The following DNAH9 variants were observed in gnomAD, a reference collection of about 807,000 sequenced individuals.
DNAH9 encodes the protein dynein axonemal heavy chain 9.
A neutral mutation model predicts 471.6 loss-of-function variants in DNAH9; 345 were observed. That is an observed-to-expected ratio of 0.73 (90% CI 0.67 to 0.80). The LOEUF (loss-of-function observed/expected upper bound fraction) is 0.80, where lower values mean the gene tolerates loss of function less well. DNAH9 is among the 30% of genes least tolerant of loss of function. DNAH9 has a pLI of 0.00. For synonymous variants in DNAH9, 2,093 were observed against 2,123.6 expected (o/e 0.99, Z 0.40); for missense variants, 5,407 against 5,609.2 (o/e 0.96, Z 1.15).
intron 15 of DNAH9, among the ~76,000 whole-genome samples, chr17:11,668,664 C>CAAA (rs56347198): frequency 9.9e-6 from 1 of 100,534 alleles, no homozygotes; most frequent in African/African-American, 3.7e-5. Flanking sequence ...GACTGCATCT[C>CAAA]AAAAAAAAAA....
At chr17:11,611,830 C>T (rs368137003) in intron 4 of DNAH9, 50 bp downstream of exon 4, 118 of 1,584,614 alleles carry the variant, frequency 7.4e-5, no homozygotes, top group Non-Finnish European at 9.8e-5. Context: ...AAGTTACCGT[C>T]GAATGATGCA....
At chr17:11,658,317 A>G (rs550702116) in intron 14 of DNAH9, among the ~76,000 whole-genome samples, 1 of 152,186 alleles carries the variant, frequency 6.6e-6, no homozygotes, top group South Asian at 2.1e-4. Context: ...TTTTCCAATT[A>G]CTATCAGGTA....
chr17:11,961,615 C>G (rs994750754), intron 67 of DNAH9, among the ~76,000 whole-genome samples: 1 of 152,180 alleles, frequency 6.6e-6, no homozygotes, highest in Non-Finnish European at 1.5e-5. Flanking sequence ...GTGAGTAGAA[C>G]AGTTGAGACT....
At chr17:11,968,897 T>C (rs114419121) in intron 68 of DNAH9, among the ~76,000 whole-genome samples, 1,640 of 152,304 alleles carry the variant, frequency 0.011, 33 homozygotes, top group African/African-American at 0.038. Flanking sequence ...TAACAAAAGC[T>C]TTAAAAGCTA....
At chr17:11,612,527 T>A (rs1208109340) in intron 4 of DNAH9, 1 of 152,384 alleles carries the variant, frequency 6.6e-6, no homozygotes, top group Non-Finnish European at 1.5e-5. Context: ...TTGAGAAATC[T>A]CTATTCCATT....
chr17:11,878,226 A>G (rs1597780165), intron 53 of DNAH9, among the ~76,000 whole-genome samples: 1 of 119,440 alleles, frequency 8.4e-6, no homozygotes, highest in African/African-American at 2.5e-5. Context: ...CTTAATAAAT[A>G]TGTTCAATTA....
chr17:11,598,653 C>T lies in DNAH9; in HGVS notation c.155C>T (p.Ala52Val), dbSNP rs2072311897. 4.4e-6 allele frequency: 6 copies of T among 1,354,702 alleles called. No individual in the cohort carries two copies. Among genetic ancestry groups the T allele is most frequent in the South Asian group, 1.8e-5 (1 of 57,048 alleles). The allele number at this position is 1,354,702 out of a possible 1,614,324, so 83.9% of individuals were successfully genotyped here. A position where few individuals can be genotyped will look rare whatever the true frequency, so the allele number is the denominator to read the frequency against. Residue 52 changes from alanine to valine, a missense_variant, in exon 1 of 69, where the codon GCG (alanine) becomes GTG (valine). This residue lies in a region of DNAH9 where 767 missense variants were observed against 692.5 expected (regional missense o/e 1.11). Coordinates refer to ENST00000262442, the MANE Select transcript of DNAH9 (RefSeq NM_001372.4). ...GAGCGTTGCGCGGGGAGTGCTGAGG[C>T]GGAGCAGCTGCTCCAGGCCTTCCTG... ...AWERCAGSAE[A>V]EQLLQAFLGR...
At chr17:11,840,514 G>C (rs1970997017) in intron 49 of DNAH9, among the ~76,000 whole-genome samples, 1 of 152,130 alleles carries the variant, frequency 6.6e-6, no homozygotes, top group South Asian at 2.1e-4. Context: ...CAAACAAGAA[G>C]TATAATTGCT....
At chr17:11,606,597 G>A (rs1004749974) in intron 1 of DNAH9, among the ~76,000 whole-genome samples, 25 of 131,582 alleles carry the variant, frequency 1.9e-4, no homozygotes, top group African/African-American at 6.4e-4. Context: ...CTACAGGCAC[G>A]TGCCACCACA....
chr17:11,713,916 G>T (rs2074915801), intron 26 of DNAH9, among the ~76,000 whole-genome samples: 1 of 152,092 alleles, frequency 6.6e-6, no homozygotes, highest in South Asian at 2.1e-4. Context: ...TATAATTTTT[G>T]CTAGAGAGAT....
chr17:11,807,865 C>T lies in DNAH9; in HGVS notation c.8554C>T (p.Arg2852Cys), dbSNP rs201690514. ...SSMDVFQITLRKGYQIQDFKM... is the reference protein window; with the variant it reads ...SSMDVFQITLCKGYQIQDFKM... ...CATGGATGTCTTCCAGATCACACTG[C>T]GCAAAGGCTACCAGATCCAGGACTT... Residue 2852 changes from arginine to cysteine, a missense_variant, in exon 44 of 69, where the codon CGC (arginine) becomes TGC (cysteine). This residue lies in a region of DNAH9 where 4,636 missense variants were observed against 4,900.3 expected (regional missense o/e 0.95). Transcript: ENST00000262442. 16 of 1,612,338 alleles carry T rather than the reference C, an allele frequency of 9.9e-6. No individual in the cohort carries two copies. The highest frequency in any genetic ancestry group is 1.7e-4 in the Middle Eastern group (1 of 6,048).
At chr17:11,633,401 T>C (rs891813080) in intron 8 of DNAH9, among the ~76,000 whole-genome samples, 5 of 152,200 alleles carry the variant, frequency 3.3e-5, no homozygotes. Flanking sequence ...GGAATGGACT[T>C]CTTTAGCAAG....
At chr17:11,715,745 C>A (rs529556459) in intron 26 of DNAH9, among the ~76,000 whole-genome samples, 1 of 152,284 alleles carries the variant, frequency 6.6e-6, no homozygotes, top group South Asian at 2.1e-4. Context: ...TGTCATGGAT[C>A]TTAAGGATGC....
chr17:11,834,561 A>G (rs2150953303), intron 48 of DNAH9, 77 bp from the exon 49 acceptor site: 1 of 1,565,904 alleles, frequency 6.4e-7, no homozygotes, highest in South Asian at 1.2e-5. Flanking sequence ...GTCATGCCCA[A>G]CAGGCCAGTG....
chr17:11,770,835 CA>C (rs1387635919), intron 38 of DNAH9, among the ~76,000 whole-genome samples: 1 of 152,114 alleles, frequency 6.6e-6, no homozygotes, highest in Non-Finnish European at 1.5e-5. Flanking sequence ...TATATTTTCA[CA>C]AGTCTACAAA....
At chr17:11,644,032 A>G (rs2073330681) in intron 10 of DNAH9, among the ~76,000 whole-genome samples, 1 of 152,216 alleles carries the variant, frequency 6.6e-6, no homozygotes, top group Admixed American at 6.5e-5. Flanking sequence ...GTGGGTGGTG[A>G]GTGAATGCGA....
intron 61 of DNAH9, among the ~76,000 whole-genome samples, chr17:11,908,387 G>C (rs1218765781): frequency 6.6e-6 from 1 of 152,212 alleles, no homozygotes; most frequent in Non-Finnish European, 1.5e-5. Flanking sequence ...ATAGTAGTCA[G>C]ATCAGGGTGA....
chr17:11,919,229 C>T (rs544269324), intron 61 of DNAH9, among the ~76,000 whole-genome samples: 2 of 152,176 alleles, frequency 1.3e-5, no homozygotes, highest in Non-Finnish European at 2.9e-5. Context: ...GGCGCAGTGG[C>T]TCACGCCTGT....
intron 35 of DNAH9, among the ~76,000 whole-genome samples, chr17:11,758,689 G>A (rs1401657182): frequency 6.6e-6 from 1 of 152,076 alleles, no homozygotes; most frequent in African/African-American, 2.4e-5. Flanking sequence ...AGGGCTCCAG[G>A]TGCTCTCATT....
Sources: gnomAD v4.1 joint callset for allele counts (sites outside exome capture counted in the v4.1 genomes callset) on GRCh38, gnomAD v4.1.1 for gene constraint, gnomAD v4.1.1 regional missense constraint, MANE v1.5 for transcripts, NCBI Gene and HGNC (gene_info 2026-07-23, HGNC 2026-07-21) for gene names.